HIVEP3: variants seen among roughly 807,000 people sequenced by gnomAD.
The protein encoded by HIVEP3 is transcription factor HIVEP3.
A neutral mutation model predicts 152.8 loss-of-function variants in HIVEP3; 49 were observed. That is an observed-to-expected ratio of 0.32 (90% CI 0.26 to 0.41). HIVEP3 has a LOEUF of 0.41. Ranked by LOEUF, HIVEP3 falls within the 10% of genes least tolerant of loss-of-function variation. HIVEP3 has a pLI of 1.00. For missense variants in HIVEP3, 2,790 were observed against 3,103.3 expected (o/e 0.90, Z 2.40); for synonymous variants, 1,269 against 1,289.0 (o/e 0.98, Z 0.33).
At chr1:41,632,803 A>AC (rs1377013833) in intron 2 of HIVEP3, among the ~76,000 whole-genome samples, 4 of 151,770 alleles carry the variant, frequency 2.6e-5, no homozygotes, top group Non-Finnish European at 5.9e-5. Context: ...AGGACAGAGG[A>AC]CCCCCAAATG....
At chr1:41,909,038 T>G (rs1213967541) in intron 1 of HIVEP3, among the ~76,000 whole-genome samples, 1 of 152,134 alleles carries the variant, frequency 6.6e-6, no homozygotes, top group Admixed American at 6.5e-5. Flanking sequence ...AAACACAGAT[T>G]ATTCTCAAAG....
intron 1 of HIVEP3, among the ~76,000 whole-genome samples, chr1:41,904,373 T>C (rs1386742548): frequency 6.6e-6 from 1 of 152,166 alleles, no homozygotes; most frequent in Non-Finnish European, 1.5e-5. Context: ...TGGCTGCACA[T>C]TAAAATCACT....
chr1:41,552,265 G>A (rs920924119), intron 5 of HIVEP3, among the ~76,000 whole-genome samples: 18 of 151,430 alleles, frequency 1.2e-4, no homozygotes, highest in Admixed American at 2.6e-4. Flanking sequence ...TGTGCACAAC[G>A]TGCAGGTTAC....
upstream of HIVEP3, among the ~76,000 whole-genome samples, chr1:41,919,603 C>T (rs1210842443): frequency 6.6e-6 from 1 of 152,110 alleles, no homozygotes; most frequent in Non-Finnish European, 1.5e-5. Context: ...AGACTTAGGC[C>T]CTTCTTCAAG....
chr1:41,524,129 C>G (rs1018860218), intron 6 of HIVEP3, among the ~76,000 whole-genome samples: 3 of 152,094 alleles, frequency 2.0e-5, no homozygotes, highest in Non-Finnish European at 4.4e-5. Flanking sequence ...CTATCCTGAC[C>G]CTGATGTGGG....
At chr1:41,719,717 C>T (rs899232891) in intron 1 of HIVEP3, among the ~76,000 whole-genome samples, 12 of 152,198 alleles carry the variant, frequency 7.9e-5, no homozygotes, top group Admixed American at 1.3e-4. Context: ...ACACGGTGAC[C>T]AGGCTCCAGA....
At chr1:41,975,575 A>C (rs1341344319) in intron 1 of HIVEP3, among the ~76,000 whole-genome samples, 1 of 152,350 alleles carries the variant, frequency 6.6e-6, no homozygotes, top group East Asian at 1.9e-4. Flanking sequence ...ATTTCTTTGG[A>C]AGTACAAAAA....
intron 2 of HIVEP3, among the ~76,000 whole-genome samples, chr1:41,649,400 A>G (rs1481794681): frequency 6.6e-6 from 1 of 152,174 alleles, no homozygotes; most frequent in Non-Finnish European, 1.5e-5. Context: ...ATTCCCCACC[A>G]TGATTCTGTT....
At chr1:42,026,614 G>A (rs984667433) in intron 1 of HIVEP3, among the ~76,000 whole-genome samples, 5 of 152,116 alleles carry the variant, frequency 3.3e-5, no homozygotes, top group African/African-American at 9.7e-5. Flanking sequence ...CTCTTGGCAG[G>A]GGAGGAAGGC....
intron 1 of HIVEP3, among the ~76,000 whole-genome samples, chr1:41,953,252 G>A (rs1366136269): frequency 6.6e-6 from 1 of 152,148 alleles, no homozygotes; most frequent in East Asian, 1.9e-4. Context: ...TGATTATGAG[G>A]GAGGCAGCGG....
At chr1:41,529,131 C>T (rs1462587159) in intron 5 of HIVEP3, among the ~76,000 whole-genome samples, 1 of 129,630 alleles carries the variant, frequency 7.7e-6, no homozygotes, top group African/African-American at 2.9e-5. Context: ...CGCCCTCACA[C>T]AACTCACCCT....
chr1:41,999,723 TAAG>T (rs1645416232), intron 1 of HIVEP3, among the ~76,000 whole-genome samples: 1 of 152,058 alleles, frequency 6.6e-6, no homozygotes, highest in African/African-American at 2.4e-5. Context: ...AGCAAGAACC[TAAG>T]AAGTCAAAGG....
intron 3 of HIVEP3, among the ~76,000 whole-genome samples, chr1:41,591,152 C>T (rs1174685333): frequency 6.6e-6 from 1 of 152,184 alleles, no homozygotes; most frequent in East Asian, 1.9e-4. Flanking sequence ...GACTAGATTC[C>T]AGTCCTGGCT....
chr1:41,510,666 G>A lies in HIVEP3; in HGVS notation c.7006C>T (p.Arg2336Cys), dbSNP rs200303069. 140 of 1,526,632 alleles carry A rather than the reference G, an allele frequency of 9.2e-5. No individual in the cohort carries two copies. Among genetic ancestry groups the A allele is most frequent in the Middle Eastern group, 4.0e-4 (2 of 4,998 alleles). The allele number at this position is 1,526,632 out of a possible 1,614,324, so 94.6% of individuals were successfully genotyped here. A position where few individuals can be genotyped will look rare whatever the true frequency, so the allele number is the denominator to read the frequency against. The change falls in exon 9 of 9, where the codon CGT (arginine) becomes TGT (cysteine). Residue 2336 changes from arginine (R) to cysteine (C), a missense_variant. Transcript: ENST00000372583. ...QSWSPRLESPRAPTNPEPSAT... is the reference protein window; with the variant it reads ...QSWSPRLESPCAPTNPEPSAT... ...GAAGGCTCGGGGTTGGTCGGTGCACGCGGGGACTCCAAGCGGGGGCTCCAG... is the reference window on the plus strand; with the variant it reads ...GAAGGCTCGGGGTTGGTCGGTGCACACGGGGACTCCAAGCGGGGGCTCCAG...
intron 1 of HIVEP3, among the ~76,000 whole-genome samples, chr1:41,820,564 G>C (rs1642565826): frequency 6.6e-6 from 1 of 152,180 alleles, no homozygotes; most frequent in Non-Finnish European, 1.5e-5. Flanking sequence ...GGATAATGTA[G>C]TTATTTCAGC....
intron 1 of HIVEP3, among the ~76,000 whole-genome samples, chr1:41,990,884 C>T (rs1267112253): frequency 8.0e-6 from 1 of 125,310 alleles, no homozygotes; most frequent in African/African-American, 3.1e-5. Flanking sequence ...AACTGAACAA[C>T]CTGCTCCTGA....
intron 4 of HIVEP3, among the ~76,000 whole-genome samples, chr1:41,576,166 C>T (rs187883629): frequency 3.3e-5 from 5 of 152,332 alleles, no homozygotes; most frequent in Admixed American, 6.5e-5. Flanking sequence ...GGTCACCCAG[C>T]GAGTTAAGGG....
intron 1 of HIVEP3, among the ~76,000 whole-genome samples, chr1:41,746,582 G>A (rs1028871655): frequency 3.3e-5 from 5 of 152,178 alleles, no homozygotes; most frequent in African/African-American, 1.2e-4. Flanking sequence ...ATTGGGCTTC[G>A]GTGGCTCCTG....
At chr1:41,964,924 T>C (rs887224932) in intron 1 of HIVEP3, among the ~76,000 whole-genome samples, 3 of 152,248 alleles carry the variant, frequency 2.0e-5, no homozygotes, top group Non-Finnish European at 4.4e-5. Flanking sequence ...GAGTGCTTCA[T>C]TATGTGGGTC....
Sources: gnomAD v4.1 joint callset for allele counts (sites outside exome capture counted in the v4.1 genomes callset) on GRCh38, gnomAD v4.1.1 for gene constraint, MANE v1.5 for transcripts, NCBI Gene and HGNC (gene_info 2026-07-23, HGNC 2026-07-21) for gene names.